The following RIMS1 variants were observed in gnomAD, a reference collection of about 807,000 sequenced individuals.
RIMS1 encodes regulating synaptic membrane exocytosis protein 1.
RIMS1 carries 83 observed loss-of-function variants against 214.1 expected under a neutral mutation model. The ratio of observed to expected loss-of-function variants is 0.39; its 90% CI spans 0.32 to 0.47. RIMS1 has a LOEUF of 0.47. RIMS1 is among the 20% of genes least tolerant of loss of function. The probability of loss-of-function intolerance (pLI) is 0.99; values close to 1 mark genes in which losing one functional copy is unlikely to be tolerated. For missense variants in RIMS1, 2,050 were observed against 2,161.8 expected (o/e 0.95, Z 1.03); for synonymous variants, 793 against 786.8 (o/e 1.01, Z -0.13).
intron 24 of RIMS1, among the ~76,000 whole-genome samples, chr6:72,285,186 C>A (rs137948557): frequency 1.3e-5 from 2 of 152,158 alleles, no homozygotes; most frequent in Non-Finnish European, 1.5e-5. Flanking sequence ...CTGTGAGCCA[C>A]AGATGTGCTT....
chr6:72,081,240 A>G (rs945773388), intron 2 of RIMS1, among the ~76,000 whole-genome samples: 12 of 152,210 alleles, frequency 7.9e-5, no homozygotes, highest in African/African-American at 2.7e-4. Flanking sequence ...CCAAAAATAG[A>G]TAAAATAGGG....
intron 4 of RIMS1, among the ~76,000 whole-genome samples, chr6:72,130,637 GTTA>G (rs2040291623): frequency 6.6e-6 from 1 of 151,984 alleles, no homozygotes; most frequent in Admixed American, 6.6e-5. Flanking sequence ...TATTGTTTTA[GTTA>G]TTATCTTTTC....
intron 1 of RIMS1, among the ~76,000 whole-genome samples, chr6:71,930,118 GTGGCCTAT>G (rs1478593658): frequency 2.0e-5 from 3 of 152,084 alleles, no homozygotes; most frequent in Admixed American, 6.6e-5. Context: ...AATAAACTAG[GTGGCCTAT>G]TGAAATGTTT....
At chr6:72,072,921 G>A (rs1257409139) in intron 2 of RIMS1, among the ~76,000 whole-genome samples, 2 of 152,226 alleles carry the variant, frequency 1.3e-5, no homozygotes, top group African/African-American at 2.4e-5. Flanking sequence ...AAAATAGACA[G>A]AGCCCTCATG....
At chr6:72,100,434 A>G (rs993915601) in intron 4 of RIMS1, among the ~76,000 whole-genome samples, 13 of 152,078 alleles carry the variant, frequency 8.5e-5, no homozygotes, top group African/African-American at 3.1e-4. Context: ...TTATTTTTCT[A>G]TAGAACACAA....
At chr6:72,361,207 GC>G (rs957552643) in intron 29 of RIMS1, among the ~76,000 whole-genome samples, 1 of 136,850 alleles carries the variant, frequency 7.3e-6, no homozygotes, top group Non-Finnish European at 1.5e-5. Flanking sequence ...TCCGGTTCAA[GC>G]AATACTCCTG....
At chr6:72,163,866 C>T (rs893023713) in intron 4 of RIMS1, among the ~76,000 whole-genome samples, 14 of 151,992 alleles carry the variant, frequency 9.2e-5, no homozygotes, top group Middle Eastern at 3.2e-3. Flanking sequence ...GCAGTCTGTC[C>T]GTTCTCAGAT....
chr6:71,932,531 C>T (rs1783354544), intron 1 of RIMS1, among the ~76,000 whole-genome samples: 1 of 151,996 alleles, frequency 6.6e-6, no homozygotes, highest in Admixed American at 6.6e-5. Flanking sequence ...GGATGCTAGA[C>T]TTAAAATCCG....
chr6:72,013,506 A>T (rs1811597480), intron 2 of RIMS1, among the ~76,000 whole-genome samples: 1 of 152,176 alleles, frequency 6.6e-6, no homozygotes, highest in Non-Finnish European at 1.5e-5. Flanking sequence ...CTGACCTGGG[A>T]ACATATGATG....
chr6:72,059,333 C>T (rs1827216280), intron 2 of RIMS1, among the ~76,000 whole-genome samples: 1 of 152,132 alleles, frequency 6.6e-6, no homozygotes, highest in South Asian at 2.1e-4. Context: ...CTCAAGCAAT[C>T]CTCCCTCCTC....
At chr6:71,912,447 A>G (rs1777202501) in intron 1 of RIMS1, among the ~76,000 whole-genome samples, 1 of 152,174 alleles carries the variant, frequency 6.6e-6, no homozygotes, top group Non-Finnish European at 1.5e-5. Flanking sequence ...TATGTAATCT[A>G]CCTTGTTATT....
intron 22 of RIMS1, among the ~76,000 whole-genome samples, chr6:72,271,410 G>A (rs1414890917): frequency 1.3e-5 from 2 of 150,094 alleles, no homozygotes; most frequent in Non-Finnish European, 3.0e-5. Flanking sequence ...AAATATATAT[G>A]TGTATAATCA....
At chr6:72,034,608 C>G (rs756905544) in intron 2 of RIMS1, among the ~76,000 whole-genome samples, 1 of 151,822 alleles carries the variant, frequency 6.6e-6, no homozygotes, top group Non-Finnish European at 1.5e-5. Context: ...ATTATCTGAG[C>G]TATTATCAAG....
At chr6:72,189,830 C>T (rs183884629) in intron 6 of RIMS1, among the ~76,000 whole-genome samples, 13 of 152,314 alleles carry the variant, frequency 8.5e-5, no homozygotes, top group African/African-American at 1.7e-4. Flanking sequence ...GTCCACACAA[C>T]GAGTGATCCT....
chr6:72,066,468 A>T (rs1829318463), intron 2 of RIMS1, among the ~76,000 whole-genome samples: 1 of 152,170 alleles, frequency 6.6e-6, no homozygotes, highest in Non-Finnish European at 1.5e-5. Flanking sequence ...CTGACTGCAG[A>T]TGGATTTATC....
At chr6:72,108,454 C>T (rs2035249402) in intron 4 of RIMS1, among the ~76,000 whole-genome samples, 1 of 152,048 alleles carries the variant, frequency 6.6e-6, no homozygotes, top group African/African-American at 2.4e-5. Context: ...TTTTAAGAAA[C>T]AAAACAATAC....
chr6:72,259,176 T>C (rs2076990007), intron 18 of RIMS1, 65 bp downstream of exon 18: 1 of 1,400,718 alleles, frequency 7.1e-7, no homozygotes, highest in Non-Finnish European at 9.9e-7. Context: ...TATACAGATA[T>C]TGTGGCATAG....
intron 33 of RIMS1, among the ~76,000 whole-genome samples, chr6:72,399,344 CCTT>C (rs1051440740): frequency 2.6e-5 from 4 of 151,864 alleles, no homozygotes; most frequent in Admixed American, 6.6e-5. Flanking sequence ...TCTATCCTCT[CCTT>C]CTAGCTTTGC....
At chr6:72,208,982 G>T (rs2053375848) in intron 6 of RIMS1, among the ~76,000 whole-genome samples, 1 of 152,058 alleles carries the variant, frequency 6.6e-6, no homozygotes, top group Admixed American at 6.6e-5. Context: ...TAGCTTAGAA[G>T]ACATCACAAA....
Sources: allele counts gnomAD v4.1 joint callset (sites outside exome capture counted in the v4.1 genomes callset), GRCh38; gene constraint gnomAD v4.1.1; transcripts MANE v1.5; gene names NCBI Gene and HGNC (gene_info 2026-07-23, HGNC 2026-07-21).